The following SHISA9 variants were observed in gnomAD, a reference collection of about 807,000 sequenced individuals.
The protein encoded by SHISA9 is shisa family member 9.
In SHISA9, 13 loss-of-function variants were observed where a neutral mutation model predicts 38.0. The observed-to-expected ratio is 0.34, with a 90% CI of 0.22 to 0.54. SHISA9 has a LOEUF of 0.54. Among genes scored for constraint, SHISA9 ranks in the 20% least tolerant of loss-of-function variants. SHISA9 has a pLI of 0.91. For synonymous variants in SHISA9, 275 were observed against 242.0 expected, an observed-to-expected ratio of 1.14 and a Z score of -1.27; for missense variants, 538 against 575.8, an observed-to-expected ratio of 0.93 and a Z score of 0.67.
intron 1 of SHISA9, among the ~76,000 whole-genome samples, chr16:12,905,131 GGT>G (rs370762163): frequency 2.7e-4 from 41 of 151,698 alleles, no homozygotes; most frequent in African/African-American, 9.7e-4. Context: ...ACTGTACTGG[GGT>G]GTGTGTGTGT....
chr16:12,983,005 T>C (rs2072260721), intron 2 of SHISA9, among the ~76,000 whole-genome samples: 1 of 152,218 alleles, frequency 6.6e-6, no homozygotes, highest in Admixed American at 6.5e-5. Flanking sequence ...AAGACACAGC[T>C]ACTCTTGTGA....
chr16:13,419,813 C>G, the SHISA9 span, among the ~76,000 whole-genome samples: 1 of 152,166 alleles, frequency 6.6e-6, no homozygotes, highest in African/African-American at 2.4e-5. Context: ...ACTTTATTTA[C>G]AAAGCCAGGT....
At chr16:13,426,629 AG>A in the SHISA9 span, among the ~76,000 whole-genome samples, 36 of 152,190 alleles carry the variant, frequency 2.4e-4, no homozygotes, top group African/African-American at 8.7e-4. Flanking sequence ...GACAGGCTAG[AG>A]GGCTTAATTT....
chr16:13,218,172 A>G (rs396357), intron 4 of SHISA9, among the ~76,000 whole-genome samples: 71,910 of 152,038 alleles, frequency 0.47, 17,770 homozygotes, highest in East Asian at 0.75. Context: ...TCACAACAGG[A>G]CCAGGGTCCA....
At chr16:13,337,536 C>A in the SHISA9 span, among the ~76,000 whole-genome samples, 21 of 152,110 alleles carry the variant, frequency 1.4e-4, no homozygotes, top group Non-Finnish European at 2.8e-4. Context: ...TACCATTCAC[C>A]AGTGAAGTGC....
intron 2 of SHISA9, among the ~76,000 whole-genome samples, chr16:13,003,014 A>T (rs968448989): frequency 6.6e-6 from 1 of 152,236 alleles, no homozygotes; most frequent in Non-Finnish European, 1.5e-5. Flanking sequence ...TTAAGATGAT[A>T]TCCTGAGCTG....
chr16:13,421,360 T>C, the SHISA9 span, among the ~76,000 whole-genome samples: 1 of 151,832 alleles, frequency 6.6e-6, no homozygotes, highest in Non-Finnish European at 1.5e-5. Context: ...GGCTGAGGAG[T>C]CCTCAGAATC....
chr16:13,052,368 A>C (rs1169354779), intron 2 of SHISA9, among the ~76,000 whole-genome samples: 1 of 152,194 alleles, frequency 6.6e-6, no homozygotes, highest in Non-Finnish European at 1.5e-5. Flanking sequence ...TTGGCTCTAA[A>C]GATGATTAAA....
At chr16:13,266,654 G>C in the SHISA9 span, among the ~76,000 whole-genome samples, 2 of 152,214 alleles carry the variant, frequency 1.3e-5, no homozygotes, top group African/African-American at 2.4e-5. Context: ...CAACTTTTAA[G>C]ATGGAAAACT....
chr16:12,908,645 C>T lies in SHISA9; in HGVS notation c.563+6018C>T, dbSNP rs142074675. ...AGTGCAAACCTGCAGGAATTCCAGACTTCTCAGATCACAGAGAAGTACGCG... is the reference window on the plus strand; with the variant it reads ...AGTGCAAACCTGCAGGAATTCCAGATTTCTCAGATCACAGAGAAGTACGCG... On this transcript the variant is annotated intron_variant, in intron 1 of 4. Coordinates refer to ENST00000558583, the MANE Select transcript of SHISA9 (RefSeq NM_001145204.3). 3.9e-6 allele frequency: 6 copies of T among 1,549,262 alleles called. No individual in the cohort carries two copies. In the East Asian group the frequency reaches 7.3e-5, roughly 19 times the overall value.
chr16:12,903,602 C>T (rs1248851385), intron 1 of SHISA9, among the ~76,000 whole-genome samples: 1 of 152,178 alleles, frequency 6.6e-6, no homozygotes, highest in Non-Finnish European at 1.5e-5. Context: ...GAGCACTAAG[C>T]CCCCGGCCGC....
chr16:13,472,391 T>A, the SHISA9 span, among the ~76,000 whole-genome samples: 1 of 124,312 alleles, frequency 8.0e-6, no homozygotes, highest in African/African-American at 3.1e-5. Flanking sequence ...TTTTTTTTTT[T>A]TTTTTTTTTT....
chr16:13,493,341 A>C, the SHISA9 span, among the ~76,000 whole-genome samples: 1 of 152,318 alleles, frequency 6.6e-6, no homozygotes, highest in East Asian at 1.9e-4. Context: ...ACAGTGCCTT[A>C]TTTCTGTTAA....
At chr16:13,479,146 C>T in the SHISA9 span, among the ~76,000 whole-genome samples, 4 of 152,116 alleles carry the variant, frequency 2.6e-5, no homozygotes, top group Non-Finnish European at 4.4e-5. Flanking sequence ...TCCTGCACGG[C>T]GCCTATCAGT....
chr16:13,028,202 A>C (rs1317439250), intron 2 of SHISA9, among the ~76,000 whole-genome samples: 1 of 152,162 alleles, frequency 6.6e-6, no homozygotes, highest in Non-Finnish European at 1.5e-5. Flanking sequence ...CATTTTAGTG[A>C]ATATAAGTTA....
rs539719946 is a variant in SHISA9 at position 13,069,181 on chromosome 16, T to C, written c.692-134213T>C. On this transcript the variant is annotated intron_variant, in intron 2 of 4. Transcript: ENST00000558583. The stretch of plus-strand genomic sequence containing the variant: ...TGTATATATGTGTGTACATGCAATG[T>C]GTATATGTGTATACATGTGTACATG... Among the ~76,000 whole-genome samples, 902 of 142,500 alleles carry C rather than the reference T, an allele frequency of 6.3e-3. 4 individuals carry two copies. The highest frequency in any genetic ancestry group is 9.2e-3 in the Non-Finnish European group (622 of 67,770). The allele number at this position is 142,500 out of a possible 152,430, so 93.5% of individuals were successfully genotyped here.
intron 2 of SHISA9, among the ~76,000 whole-genome samples, chr16:12,996,937 C>T (rs1567176304): frequency 6.6e-6 from 1 of 152,320 alleles, no homozygotes; most frequent in East Asian, 1.9e-4. Flanking sequence ...ATGAAATTCA[C>T]TTCTGCAGCC....
chr16:13,428,293 A>AAG, the SHISA9 span, among the ~76,000 whole-genome samples: 825 of 150,976 alleles, frequency 5.5e-3, 2 homozygotes, highest in African/African-American at 9.8e-3. Flanking sequence ...AAAACAAAGA[A>AAG]AGAGAGAGAG....
At chr16:13,211,748 G>A (rs577472887) in intron 3 of SHISA9, among the ~76,000 whole-genome samples, 17 of 152,274 alleles carry the variant, frequency 1.1e-4, no homozygotes, top group Admixed American at 2.0e-4. Flanking sequence ...TGAGCTAATG[G>A]GAACAGAGGT....
Sources: gnomAD v4.1 joint callset for allele counts (sites outside exome capture counted in the v4.1 genomes callset) on GRCh38, gnomAD v4.1.1 for gene constraint, MANE v1.5 for transcripts, NCBI Gene and HGNC (gene_info 2026-07-23, HGNC 2026-07-21) for gene names.